Variants in RETREG3 observed in about 807,000 individuals in gnomAD.
RETREG3 encodes reticulophagy regulator 3.
RETREG3 carries 23 observed loss-of-function variants against 50.2 expected under a neutral mutation model. That is an observed-to-expected ratio of 0.46 (90% CI 0.33 to 0.65). The LOEUF is 0.65. Among genes scored for constraint, RETREG3 ranks in the 30% least tolerant of loss-of-function variants. The pLI is 0.02. For missense variants in RETREG3, 546 were observed against 598.0 expected (o/e 0.91, Z 0.91); for synonymous variants, 240 against 234.4 (o/e 1.02, Z -0.22).
chr17:42,587,840 T>A lies in RETREG3; in HGVS notation c.371A>T (p.Asn124Ile), dbSNP rs759669500. ...IKVPRPDALD[N>I]ESWGFVHPRL... ...TTTAATTAGTGTTCCATACCTCTCA[T>A]TGTCTAATGCGTCGGGTCTTGGCAC... The change falls in exon 3 of 9, where the codon AAT (asparagine) becomes ATT (isoleucine). Residue 124 changes from asparagine (N) to isoleucine (I), a missense_variant. By Grantham distance (149) the Asn-to-Ile change is moderately radical. Transcript: ENST00000309428. 3 of 1,614,174 alleles carry A rather than the reference T, an allele frequency of 1.9e-6. No homozygotes were observed. The highest frequency in any genetic ancestry group is 2.2e-5 in the South Asian group (2 of 91,078).
intron 2 of RETREG3, among the ~76,000 whole-genome samples, chr17:42,590,966 CAAAAG>C (rs919536512): frequency 3.5e-4 from 54 of 152,232 alleles, no homozygotes; most frequent in African/African-American, 1.0e-3. Context: ...GACTCCGTCT[CAAAAG>C]AAAAGAAAAG....
In RETREG3 at chr17:42,604,694, C is replaced by CAAAA. The variant is rs1007735904; in HGVS notation, c.239+4388_239+4391dup. ...AGCCCAACAACCCCCGATTCCCCAG[C>CAAAA]AAAAAAAAAAAAAAAAAAAAAAAAC... On this transcript the variant is annotated intron_variant, in intron 1 of 8. Coordinates refer to ENST00000309428, the MANE Select transcript of RETREG3 (RefSeq NM_178126.4). 1.6e-3 allele frequency among the ~76,000 whole-genome samples: 71 copies of CAAAA among 43,936 alleles called. 1 individual carries two copies. Among genetic ancestry groups the CAAAA allele is most frequent in the African/African-American group, 4.5e-3 (53 of 11,846 alleles). The allele number at this position is 43,936 out of a possible 152,430, so 28.8% of individuals were successfully genotyped here. A position where few individuals can be genotyped will look rare whatever the true frequency, so the allele number is the denominator to read the frequency against.
intron 2 of RETREG3, among the ~76,000 whole-genome samples, chr17:42,588,872 G>A (rs906330927): frequency 6.6e-6 from 1 of 152,134 alleles, no homozygotes; most frequent in African/African-American, 2.4e-5. Context: ...GGCCAGGCTG[G>A]TCTTGAACTC....
chr17:42,583,721 C>T (rs1462757042), intron 6 of RETREG3, 141 bp from the exon 7 acceptor site: 6 of 622,894 alleles, frequency 9.6e-6, no homozygotes, highest in Non-Finnish European at 1.5e-5. Context: ...TAACAGAAGG[C>T]TGAGCTGCTG....
At chr17:42,588,108 C>A (rs1171518616) in intron 2 of RETREG3, among the ~76,000 whole-genome samples, 1 of 152,168 alleles carries the variant, frequency 6.6e-6, no homozygotes, top group Non-Finnish European at 1.5e-5. Flanking sequence ...TTTGAGCCCC[C>A]TTCTAATGAC....
intron 7 of RETREG3, 65 bp from the exon 8 acceptor site, chr17:42,582,871 G>C (rs1357137096): frequency 1.3e-6 from 2 of 1,594,874 alleles, no homozygotes; most frequent in Non-Finnish European, 1.7e-6. Flanking sequence ...ACCAGGTACA[G>C]CTTTACTAAT....
At chr17:42,587,903 GA>G in intron 2 of RETREG3, 39 bp from the exon 3 acceptor site, 1 of 1,612,118 alleles carries the variant, frequency 6.2e-7, no homozygotes, top group Non-Finnish European at 8.5e-7. Flanking sequence ...AGTTGGTAGG[GA>G]AAACTAAACA....
At chr17:42,601,214 T>A (rs1199238167) in intron 1 of RETREG3, among the ~76,000 whole-genome samples, 1 of 150,814 alleles carries the variant, frequency 6.6e-6, no homozygotes, top group East Asian at 1.9e-4. Context: ...GAGGCGGAGG[T>A]TGCAGTGAGC....
chr17:42,604,859 C>G (rs892218372), intron 1 of RETREG3, among the ~76,000 whole-genome samples: 1 of 151,926 alleles, frequency 6.6e-6, no homozygotes, highest in African/African-American at 2.4e-5. Context: ...AAAAAGTTAC[C>G]CAAACCTGTT....
chr17:42,600,944 T>C (rs1597741787), intron 1 of RETREG3, among the ~76,000 whole-genome samples: 1 of 152,164 alleles, frequency 6.6e-6, no homozygotes, highest in Non-Finnish European at 1.5e-5. Context: ...ACCACTGCAA[T>C]CTAGCCTGGG....
chr17:42,587,627 G>A (rs79729070), intron 3 of RETREG3: 1 of 575,650 alleles, frequency 1.7e-6, no homozygotes, highest in East Asian at 3.0e-5. Flanking sequence ...TTCTTTTTCA[G>A]AAACTTCTCT....
At chr17:42,597,409 G>A (rs548967411) in intron 1 of RETREG3, among the ~76,000 whole-genome samples, 4 of 148,478 alleles carry the variant, frequency 2.7e-5, no homozygotes, top group South Asian at 2.1e-4. Context: ...GGATGATCTC[G>A]ATCTCCTGAC....
At chr17:42,600,010 A>G (rs538680880) in intron 1 of RETREG3, among the ~76,000 whole-genome samples, 2 of 152,104 alleles carry the variant, frequency 1.3e-5, no homozygotes, top group South Asian at 2.1e-4. Flanking sequence ...CAAAAAAGCA[A>G]AACAGAAAAA....
intron 1 of RETREG3, among the ~76,000 whole-genome samples, chr17:42,597,597 ATATATATATATATATATATATAT>A: frequency 1.6e-5 from 1 of 63,770 alleles, no homozygotes; most frequent in South Asian, 4.3e-4. Context: ...ATATATATAT[ATATATATATATATATATATATAT>A]TTTTTTTTTT....
intron 1 of RETREG3, among the ~76,000 whole-genome samples, chr17:42,607,569 C>T (rs1203538949): frequency 6.8e-6 from 1 of 147,708 alleles, no homozygotes; most frequent in Non-Finnish European, 1.5e-5. Flanking sequence ...CTTTGGGAGG[C>T]CGAGGCAGGC....
At chr17:42,590,279 G>A (rs1049432789) in intron 2 of RETREG3, among the ~76,000 whole-genome samples, 1 of 152,174 alleles carries the variant, frequency 6.6e-6, no homozygotes, top group Non-Finnish European at 1.5e-5. Flanking sequence ...ACTGAGGTGG[G>A]AGGATCACTT....
At chr17:42,584,616 C>G (rs889375957) in intron 6 of RETREG3, among the ~76,000 whole-genome samples, 1 of 151,966 alleles carries the variant, frequency 6.6e-6, no homozygotes, top group African/African-American at 2.4e-5. Context: ...TCAGGATCAG[C>G]CTGGGCAACA....
Position 42,582,824 on chromosome 17 carries a change from A to G in RETREG3, c.811-18T>C. 1.2e-6 allele frequency: 2 copies of G among 1,613,996 alleles called. No individual in the cohort carries two copies. Among genetic ancestry groups the G allele is most frequent in the Non-Finnish European group, 1.7e-6 (2 of 1,179,894 alleles). ...TCGTCCAGCTTAGGAAAAGACCAAC[A>G]AATGTGAGATAATGCCATCAGGAAC... is the stretch of plus-strand genomic sequence containing the variant. On this transcript the variant is annotated intron_variant, in intron 7 of 8. Coordinates refer to ENST00000309428, the MANE Select transcript of RETREG3 (RefSeq NM_178126.4).
In RETREG3 at chr17:42,581,852, C is replaced by A; in HGVS notation, c.1362G>T (p.Glu454Asp). Residue 454 changes from glutamate (E) to aspartate (D), a missense_variant, in exon 9 of 9, where the codon GAG (glutamate) becomes GAT (aspartate). Transcript: ENST00000309428. ...AACTGGCAGGGTCCAGCTGACTCAG[C>A]TCCGACTGGTCCAGAAGTTCAAAGT... ...GDDFELLDQSELSQLDPASSR... is the reference protein window; with the variant it reads ...GDDFELLDQSDLSQLDPASSR... 1 of 1,607,664 alleles carries A rather than the reference C, an allele frequency of 6.2e-7. No homozygotes were observed. The highest frequency in any genetic ancestry group is 8.5e-7 in the Non-Finnish European group (1 of 1,175,592).
Sources: gnomAD v4.1 joint callset for allele counts (sites outside exome capture counted in the v4.1 genomes callset) on GRCh38, gnomAD v4.1.1 for gene constraint, MANE v1.5 for transcripts, NCBI Gene and HGNC (gene_info 2026-07-23, HGNC 2026-07-21) for gene names.